SLC26A7: variants seen among roughly 807,000 people sequenced by gnomAD.
The protein encoded by SLC26A7 is solute carrier family 26 member 7.
Under a neutral mutation model 82.5 loss-of-function variants are expected in SLC26A7, and 59 were observed. The observed-to-expected ratio is 0.72, with a 90% CI of 0.58 to 0.89. The LOEUF (loss-of-function observed/expected upper bound fraction) is 0.89, where lower values mean the gene tolerates loss of function less well. Ranked by LOEUF, SLC26A7 falls within the 40% of genes least tolerant of loss-of-function variation. The pLI is 0.00. For missense variants in SLC26A7, 820 were observed against 793.0 expected (o/e 1.03, Z -0.41); for synonymous variants, 271 against 274.3 (o/e 0.99, Z 0.12).
intron 16 of SLC26A7, among the ~76,000 whole-genome samples, chr8:91,390,110 C>CTT (rs1202015002): frequency 0.016 from 2,170 of 139,192 alleles, 47 homozygotes; most frequent in African/African-American, 0.054. Flanking sequence ...CCCCACCCGC[C>CTT]TTTTTTTTTT....
chr8:91,244,271 A>AT (rs1472801520), intron 2 of SLC26A7, among the ~76,000 whole-genome samples: 2 of 151,986 alleles, frequency 1.3e-5, no homozygotes, highest in East Asian at 3.9e-4. Flanking sequence ...TCAATTAATT[A>AT]TTTTTTACTG....
chr8:91,278,669 A>G (rs977081662), intron 2 of SLC26A7, among the ~76,000 whole-genome samples: 9 of 152,144 alleles, frequency 5.9e-5, no homozygotes. Flanking sequence ...GAAGTACAAC[A>G]TGATGTTTTG....
chr8:91,378,407 G>T (rs1814577117), intron 15 of SLC26A7, among the ~76,000 whole-genome samples: 2 of 143,246 alleles, frequency 1.4e-5, no homozygotes. Context: ...ATAATATAAA[G>T]TATATATAAA....
intron 2 of SLC26A7, among the ~76,000 whole-genome samples, chr8:91,227,600 T>C (rs1007219255): frequency 1.3e-5 from 2 of 152,206 alleles, no homozygotes; most frequent in African/African-American, 4.8e-5. Context: ...ATGGTATTAG[T>C]TGGATTCAGT....
intron 2 of SLC26A7, among the ~76,000 whole-genome samples, chr8:91,231,293 G>A (rs1024060186): frequency 2.0e-5 from 3 of 152,182 alleles, no homozygotes; most frequent in Non-Finnish European, 4.4e-5. Context: ...TGATTTCATT[G>A]CTGTTCTACA....
At chr8:91,293,034 C>T (rs1041246195) in intron 3 of SLC26A7, among the ~76,000 whole-genome samples, 3 of 152,046 alleles carry the variant, frequency 2.0e-5, no homozygotes, top group African/African-American at 4.8e-5. Flanking sequence ...GGACTTGAGA[C>T]AGTGTTTTTT....
intron 1 of SLC26A7, among the ~76,000 whole-genome samples, chr8:91,210,904 G>A (rs1010083627): frequency 6.6e-5 from 10 of 152,030 alleles, no homozygotes; most frequent in Non-Finnish European, 1.3e-4. Flanking sequence ...TGAGTTCCAA[G>A]CAGAACAAAC....
chr8:91,268,810 G>GTTCT (rs1811185065), intron 2 of SLC26A7, among the ~76,000 whole-genome samples: 4 of 151,238 alleles, frequency 2.6e-5, no homozygotes, highest in Non-Finnish European at 5.9e-5. Context: ...GAGAAAGTCT[G>GTTCT]TTCTGCTTCT....
chr8:91,385,764 C>T (rs1163682092), intron 15 of SLC26A7, among the ~76,000 whole-genome samples: 1 of 152,062 alleles, frequency 6.6e-6, no homozygotes, highest in African/African-American at 2.4e-5. Context: ...AGTTAATAAT[C>T]TATCATCATG....
At chr8:91,264,108 G>T (rs1811044884) in intron 2 of SLC26A7, among the ~76,000 whole-genome samples, 1 of 152,026 alleles carries the variant, frequency 6.6e-6, no homozygotes, top group South Asian at 2.1e-4. Flanking sequence ...CTGGTCCAGA[G>T]GACAGCTAGT....
chr8:91,221,806 A>T (rs547436024), intron 2 of SLC26A7, among the ~76,000 whole-genome samples: 10 of 152,332 alleles, frequency 6.6e-5, no homozygotes, highest in Non-Finnish European at 1.3e-4. Flanking sequence ...AGGTAGCATG[A>T]TGCCTGTAGC....
chr8:91,394,154 C>A (rs1206728149), intron 18 of SLC26A7, 115 bp downstream of exon 18: 1 of 1,597,208 alleles, frequency 6.3e-7, no homozygotes, highest in Non-Finnish European at 8.6e-7. Context: ...TCTGTTAGCC[C>A]CCCACCCCAC....
chr8:91,371,873 C>G (rs1272846180), intron 15 of SLC26A7, among the ~76,000 whole-genome samples: 1 of 151,958 alleles, frequency 6.6e-6, no homozygotes, highest in Admixed American at 6.6e-5. Flanking sequence ...GTAACCATTT[C>G]CTTTTCTCCA....
intron 1 of SLC26A7, among the ~76,000 whole-genome samples, chr8:91,213,166 G>A (rs1430100542): frequency 1.3e-5 from 2 of 152,138 alleles, no homozygotes; most frequent in Admixed American, 1.3e-4. Flanking sequence ...TGGGAGAGCA[G>A]GACCACTGTG....
At chr8:91,256,837 C>G (rs1459666489) in intron 2 of SLC26A7, among the ~76,000 whole-genome samples, 3 of 152,002 alleles carry the variant, frequency 2.0e-5, no homozygotes, top group African/African-American at 7.2e-5. Context: ...TACTGAAGAG[C>G]ATCTCATGAA....
intron 16 of SLC26A7, among the ~76,000 whole-genome samples, chr8:91,390,290 TGTATTTTTA>T (rs1165985016): frequency 2.0e-5 from 3 of 152,096 alleles, no homozygotes; most frequent in Non-Finnish European, 4.4e-5. Context: ...CTATTTTTTT[TGTATTTTTA>T]GTAGAGACGG....
At chr8:91,225,519 G>A (rs1244328798) in intron 2 of SLC26A7, among the ~76,000 whole-genome samples, 1 of 151,264 alleles carries the variant, frequency 6.6e-6, no homozygotes, top group African/African-American at 2.4e-5. Context: ...GAGGGAACCT[G>A]GATACCTTGG....
intron 2 of SLC26A7, among the ~76,000 whole-genome samples, chr8:91,226,628 A>T (rs2130669494): frequency 6.6e-6 from 1 of 152,382 alleles, no homozygotes; most frequent in Admixed American, 6.5e-5. Context: ...CATGAACAAA[A>T]CTGGCAGGGC....
chr8:91,242,682 A>G (rs1810490688), intron 2 of SLC26A7, among the ~76,000 whole-genome samples: 1 of 152,188 alleles, frequency 6.6e-6, no homozygotes, highest in South Asian at 2.1e-4. Flanking sequence ...TCTGCAAGCC[A>G]GTAAGAGAGC....
Sources: allele counts gnomAD v4.1 joint callset (sites outside exome capture counted in the v4.1 genomes callset), GRCh38; gene constraint gnomAD v4.1.1; transcripts MANE v1.5; gene names NCBI Gene and HGNC (gene_info 2026-07-23, HGNC 2026-07-21).